FLT3: variants seen among roughly 807,000 people sequenced by gnomAD.
The protein encoded by FLT3 is fms related receptor tyrosine kinase 3, also known as receptor-type tyrosine-protein kinase FLT3.
FLT3 carries 46 observed loss-of-function variants against 126.6 expected under a neutral mutation model. The observed-to-expected ratio is 0.36, with a 90% CI of 0.29 to 0.46. The LOEUF is 0.46. Ranked by LOEUF, FLT3 falls within the 20% of genes least tolerant of loss-of-function variation. The pLI, the probability that FLT3 is intolerant of heterozygous loss-of-function variation, is 1.00. For synonymous variants in FLT3, 404 were observed against 434.4 expected (o/e 0.93, Z 0.87); for missense variants, 1,069 against 1,190.3 (o/e 0.90, Z 1.50).
chr13:28,084,493 T>C (rs1387975444), intron 1 of FLT3, among the ~76,000 whole-genome samples: 1 of 152,008 alleles, frequency 6.6e-6, no homozygotes, highest in Non-Finnish European at 1.5e-5. Context: ...TAGCTGGGAG[T>C]ACAGGCAAAT....
At position 28,023,390 on chromosome 13, in the gene FLT3, T is replaced by C. The variant is rs773758373; in HGVS notation, c.2378A>G (p.Tyr793Cys). 3.1e-6 allele frequency: 5 copies of C among 1,614,028 alleles called. No homozygotes were observed. Among genetic ancestry groups the C allele is most frequent in the Non-Finnish European group, 4.2e-6 (5 of 1,179,922 alleles). Reference sequence around the variant, plus strand: ...AAATTCCATTCCTTTGGCAACTTGATATGCAAAGCAAAGAAGATCTTCAAA... The same window carrying C: ...AAATTCCATTCCTTTGGCAACTTGACATGCAAAGCAAAGAAGATCTTCAAA... ...LTFEDLLCFA[Y>C]QVAKGMEFLE... is the part of the protein sequence containing the mutation. Residue 793 changes from tyrosine (Y) to cysteine (C), a missense_variant, in exon 19 of 24, where the codon TAT becomes TGT. By Grantham distance (194) the Tyr-to-Cys change is radical. Coordinates refer to ENST00000241453, the MANE Select transcript of FLT3 (RefSeq NM_004119.3).
chr13:28,071,305 C>T (rs547401087), intron 1 of FLT3, among the ~76,000 whole-genome samples: 6 of 151,898 alleles, frequency 4.0e-5, no homozygotes, highest in South Asian at 2.1e-4. Flanking sequence ...CCACTGTGCC[C>T]GGCCTGGTAT....
intron 20 of FLT3, 65 bp from the exon 21 acceptor site, chr13:28,015,766 T>C: frequency 1.0e-6 from 1 of 963,704 alleles, no homozygotes; most frequent in Admixed American, 1.9e-5. Flanking sequence ...TTCTTTTCTT[T>C]TGTATTAAGA....
chr13:28,074,488 A>G (rs60377947), intron 1 of FLT3, among the ~76,000 whole-genome samples: 2,436 of 152,252 alleles, frequency 0.016, 40 homozygotes, highest in East Asian at 0.034. Flanking sequence ...AAAGTGCCCA[A>G]TTGTCTTCCA....
chr13:28,034,394 G>T lies in FLT3; in HGVS notation c.1611C>A (p.Phe537Leu), dbSNP rs1220647027. 1 of 1,613,028 alleles carries T rather than the reference G, an allele frequency of 6.2e-7. No homozygotes were observed. The highest frequency in any genetic ancestry group is 1.3e-5 in the African/African-American group (1 of 75,028). The change falls in exon 13 of 24, where the codon TTC (phenylalanine) becomes TTA (leucine). Residue 537 changes from phenylalanine to leucine, a missense_variant. Physicochemically the swap from Phe to Leu is conservative, Grantham distance 22. Transcript: ENST00000241453. ...CATAGAATGAGATGTTGTCTTGGAT[G>T]AAAGGGAAGGGGCCTGCAACAAAAG... ...ILLNSPGPFP[F>L]IQDNISFYAT...
At chr13:28,023,595 G>C (rs539031195) in intron 18 of FLT3, 118 bp from the exon 19 acceptor site, 3 of 1,082,560 alleles carry the variant, frequency 2.8e-6, no homozygotes, top group African/African-American at 3.1e-5. Context: ...TGAAGCTATC[G>C]CATTATCTTC....
chr13:28,058,211 A>AAAC (rs1593271769), intron 3 of FLT3, among the ~76,000 whole-genome samples: 1 of 90,256 alleles, frequency 1.1e-5, no homozygotes, highest in East Asian at 5.1e-4. Flanking sequence ...AAAAATTAAA[A>AAAC]AAAAAAAACA....
chr13:28,036,091 T>C, intron 10 of FLT3, 48 bp from the exon 11 acceptor site: 1 of 1,467,794 alleles, frequency 6.8e-7, no homozygotes, highest in Non-Finnish European at 9.6e-7. Flanking sequence ...GGCATAGTGG[T>C]TCACTCCTAT....
intron 3 of FLT3, among the ~76,000 whole-genome samples, chr13:28,058,763 T>C (rs1055905396): frequency 2.6e-5 from 4 of 152,232 alleles, no homozygotes; most frequent in Admixed American, 6.5e-5. Flanking sequence ...CAATAGAACA[T>C]GGGCCTGCAT....
chr13:28,072,807 T>C (rs1170815531), intron 1 of FLT3, among the ~76,000 whole-genome samples: 2 of 150,910 alleles, frequency 1.3e-5, no homozygotes, highest in African/African-American at 2.4e-5. Flanking sequence ...CTCGAGACCA[T>C]CCTGGCTAAC....
rs1280325444 is a variant in FLT3 at position 28,100,003 on chromosome 13, A to T, written c.43+465T>A. On this transcript the variant is annotated intron_variant, in intron 1 of 23. Transcript: ENST00000241453. The surrounding 1 kb of genome is among the most constrained non-coding windows in gnomAD (Gnocchi z 4.8). The stretch of plus-strand genomic sequence containing the variant: ...TTTCCCATCAGAGTTCCCTCCATAA[A>T]TCAAAACCTCAAAAGAAGAGTTAAA... Among the ~76,000 whole-genome samples the T allele has an allele frequency of 1.3e-5, 2 of 152,180 alleles. No individual in the cohort carries two copies. The highest frequency in any genetic ancestry group is 2.1e-4 in the South Asian group (1 of 4,836).
At position 28,018,476 on chromosome 13, in the gene FLT3, G is replaced by A. The variant is rs2137622669; in HGVS notation, c.2532C>T (p.Val844=). Residue 844 remains valine (V), a synonymous_variant, in exon 20 of 24, where the codon GTC becomes GTT. Coordinates refer to ENST00000241453, the MANE Select transcript of FLT3 (RefSeq NM_004119.3). ...RDIMSDSNYV[V]RGNARLPVKW... is the part of the protein sequence containing the mutation. ...GAAATAGCAGCCTCACATTGCCCCT[G>A]ACAACATAGTTGGAATCACTCATGA... The A allele has an allele frequency of 6.2e-7, 1 of 1,614,036 alleles. No individual in the cohort carries two copies. The highest frequency in any genetic ancestry group is 8.5e-7 in the Non-Finnish European group (1 of 1,179,964).
chr13:28,082,322 T>A (rs972445491), intron 1 of FLT3, among the ~76,000 whole-genome samples: 1 of 152,126 alleles, frequency 6.6e-6, no homozygotes, highest in African/African-American at 2.4e-5. Context: ...AGCTAATTTT[T>A]AAAAAATTGT....
intron 3 of FLT3, among the ~76,000 whole-genome samples, chr13:28,057,915 T>C (rs1034716155): frequency 2.0e-5 from 3 of 151,654 alleles, no homozygotes; most frequent in Non-Finnish European, 2.9e-5. Context: ...CGCAGGCGCC[T>C]GTAATCCCAG....
chr13:28,084,661 T>C (rs555472409), intron 1 of FLT3, among the ~76,000 whole-genome samples: 1 of 152,194 alleles, frequency 6.6e-6, no homozygotes, highest in African/African-American at 2.4e-5. Flanking sequence ...TCAGAAGATA[T>C]ACTTTGTATG....
At chr13:28,081,308 A>G (rs1313965965) in intron 1 of FLT3, among the ~76,000 whole-genome samples, 1 of 151,938 alleles carries the variant, frequency 6.6e-6, no homozygotes, top group Admixed American at 6.6e-5. Context: ...TCTCTTATCA[A>G]TGTTTTATAG....
intron 9 of FLT3, 81 bp downstream of exon 9, chr13:28,048,194 G>A (rs1875076718): frequency 7.2e-6 from 8 of 1,108,624 alleles, no homozygotes; most frequent in East Asian, 4.8e-5. Context: ...GCTTCCATAA[G>A]TATAAAACTG....
chr13:28,050,042 A>G, intron 6 of FLT3, 53 bp downstream of exon 6: 3 of 1,592,102 alleles, frequency 1.9e-6, no homozygotes, highest in East Asian at 2.2e-5. Flanking sequence ...AGTCCCTGAT[A>G]GTTGCTAAGA....
At chr13:28,027,468 TG>T (rs975798251) in intron 16 of FLT3, among the ~76,000 whole-genome samples, 8 of 152,252 alleles carry the variant, frequency 5.3e-5, no homozygotes, top group African/African-American at 1.9e-4. Flanking sequence ...GGCCCTTTTT[TG>T]TATGTGTGGC....
Sources: gnomAD v4.1 joint callset for allele counts (sites outside exome capture counted in the v4.1 genomes callset) on GRCh38, gnomAD v4.1.1 for gene constraint, Gnocchi (gnomAD v3.1) non-coding constraint, MANE v1.5 for transcripts, NCBI Gene and HGNC (gene_info 2026-07-23, HGNC 2026-07-21) for gene names.